Variants in LHFPL3 observed in about 807,000 individuals in gnomAD.
The protein encoded by LHFPL3 is LHFPL tetraspan subfamily member 3 protein.
A neutral mutation model predicts 19.3 loss-of-function variants in LHFPL3; 5 were observed. The ratio of observed to expected loss-of-function variants is 0.26; its 90% CI spans 0.14 to 0.54. The LOEUF (loss-of-function observed/expected upper bound fraction) is 0.54. LHFPL3 is among the 20% of genes least tolerant of loss of function. The probability of loss-of-function intolerance (pLI) is 0.94; values close to 1 mark genes in which losing one functional copy is unlikely to be tolerated. For synonymous variants in LHFPL3, 133 were observed against 126.2 expected (o/e 1.05, Z -0.36); for missense variants, 249 against 307.4 (o/e 0.81, Z 1.42).
At chr7:104,650,878 T>C (rs1792020588) in intron 1 of LHFPL3, among the ~76,000 whole-genome samples, 1 of 152,128 alleles carries the variant, frequency 6.6e-6, no homozygotes, top group Admixed American at 6.5e-5. Flanking sequence ...ACTAAGAAAC[T>C]TGTAAGATGA....
In LHFPL3 at chr7:104,333,409, T is replaced by C. The variant is rs544409070; in HGVS notation, c.445+4185T>C. ...GATGGGACACCTGATCCAGATTGGA[T>C]TTTCTTATTAAGGAGAGATGAGGAC... On this transcript the variant is annotated intron_variant, in intron 1 of 2. Transcript: ENST00000424859. Among the ~76,000 whole-genome samples, 16 of 152,272 alleles carry C rather than the reference T, an allele frequency of 1.1e-4. 1 individual carries two copies. The highest frequency in any genetic ancestry group is 3.9e-4 in the African/African-American group (16 of 41,548).
At chr7:104,402,148 T>C (rs1791326755) in intron 1 of LHFPL3, among the ~76,000 whole-genome samples, 1 of 151,140 alleles carries the variant, frequency 6.6e-6, no homozygotes. Flanking sequence ...TCATGAGTAG[T>C]TTTGGATGAC....
At chr7:104,648,948 A>G (rs1345190209) in intron 1 of LHFPL3, among the ~76,000 whole-genome samples, 1 of 152,180 alleles carries the variant, frequency 6.6e-6, no homozygotes, top group Non-Finnish European at 1.5e-5. Context: ...AACACAAACC[A>G]TAGGAAGCTC....
intron 1 of LHFPL3, among the ~76,000 whole-genome samples, chr7:104,391,077 G>T (rs1584287336): frequency 1.3e-5 from 2 of 152,124 alleles, no homozygotes; most frequent in East Asian, 3.9e-4. Context: ...GTAGATTCTG[G>T]ATATTAGCCC....
chr7:104,709,748 C>A (rs1171634050), intron 1 of LHFPL3, among the ~76,000 whole-genome samples: 2 of 152,138 alleles, frequency 1.3e-5, no homozygotes, highest in Non-Finnish European at 2.9e-5. Flanking sequence ...CTGTTGGGTA[C>A]ACCTCCCAGA....
chr7:104,759,093 T>C (rs1035927679), intron 2 of LHFPL3, among the ~76,000 whole-genome samples: 4 of 152,220 alleles, frequency 2.6e-5, no homozygotes, highest in African/African-American at 9.6e-5. Context: ...CTGCCTTTTA[T>C]TGTCTGTTGT....
At chr7:104,364,081 C>T (rs1172309630) in intron 1 of LHFPL3, among the ~76,000 whole-genome samples, 1 of 152,200 alleles carries the variant, frequency 6.6e-6, no homozygotes, top group Non-Finnish European at 1.5e-5. Flanking sequence ...GGAGAGTGCT[C>T]TGTAAAGATT....
chr7:104,541,471 G>T (rs1338655699), intron 1 of LHFPL3, among the ~76,000 whole-genome samples: 1 of 152,168 alleles, frequency 6.6e-6, no homozygotes, highest in Admixed American at 6.5e-5. Context: ...ACACAGGAGA[G>T]CCAGATAAAA....
chr7:104,866,672 CAG>C (rs1297705450), intron 2 of LHFPL3, among the ~76,000 whole-genome samples: 1 of 152,136 alleles, frequency 6.6e-6, no homozygotes, highest in Non-Finnish European at 1.5e-5. Context: ...ATCAATGAGA[CAG>C]AAAGTTAACA....
intron 2 of LHFPL3, among the ~76,000 whole-genome samples, chr7:104,847,959 C>T (rs541258139): frequency 6.6e-6 from 1 of 152,350 alleles, no homozygotes; most frequent in African/African-American, 2.4e-5. Flanking sequence ...GAATCTGACA[C>T]TGATTCGAAA....
In LHFPL3 at chr7:104,876,967, TC is replaced by T. The variant is rs549024317; in HGVS notation, c.683-29218del. ...AGCCATAAAAAATGATGAGTTCATG[TC>T]CTTTGTAGGGGCATGGATGAAGCTG... On this transcript the variant is annotated intron_variant, in intron 2 of 2. Coordinates refer to ENST00000424859, the MANE Select transcript of LHFPL3 (RefSeq NM_199000.3). Among the ~76,000 whole-genome samples, 371 of 152,288 alleles carry T rather than the reference TC, an allele frequency of 2.4e-3. 2 individuals are homozygous for T. The highest frequency in any genetic ancestry group is 6.8e-3 in the South Asian group (33 of 4,828).
At chr7:104,433,049 G>T (rs190678578) in intron 1 of LHFPL3, among the ~76,000 whole-genome samples, 1 of 152,158 alleles carries the variant, frequency 6.6e-6, no homozygotes, top group East Asian at 1.9e-4. Flanking sequence ...ATGCCAAAGA[G>T]CTTTGTTTAT....
At chr7:104,521,731 T>C (rs1203184636) in intron 1 of LHFPL3, among the ~76,000 whole-genome samples, 1 of 152,126 alleles carries the variant, frequency 6.6e-6, no homozygotes, top group Non-Finnish European at 1.5e-5. Flanking sequence ...TCGAAGGACA[T>C]GAACAGACAC....
At chr7:104,579,896 T>C (rs1204633431) in intron 1 of LHFPL3, among the ~76,000 whole-genome samples, 1 of 152,138 alleles carries the variant, frequency 6.6e-6, no homozygotes, top group Non-Finnish European at 1.5e-5. Flanking sequence ...CTTGCTCCCA[T>C]GGCATGTTAT....
chr7:104,596,804 C>T (rs1790871133), intron 1 of LHFPL3, among the ~76,000 whole-genome samples: 1 of 152,172 alleles, frequency 6.6e-6, no homozygotes, highest in Non-Finnish European at 1.5e-5. Context: ...GCAGCTAGGT[C>T]TTTGCACTCT....
intron 2 of LHFPL3, among the ~76,000 whole-genome samples, chr7:104,742,943 C>T (rs1309092224): frequency 4.6e-5 from 7 of 151,680 alleles, no homozygotes; most frequent in Non-Finnish European, 7.4e-5. Context: ...ATGGTGAAAC[C>T]CCATCTCTAT....
chr7:104,458,880 T>A (rs1382564419), intron 1 of LHFPL3, among the ~76,000 whole-genome samples: 1 of 152,196 alleles, frequency 6.6e-6, no homozygotes. Flanking sequence ...ATTGTTCCAT[T>A]GTTGGAGGAT....
At chr7:104,579,555 C>G (rs1790415411) in intron 1 of LHFPL3, among the ~76,000 whole-genome samples, 1 of 152,196 alleles carries the variant, frequency 6.6e-6, no homozygotes, top group Non-Finnish European at 1.5e-5. Flanking sequence ...TAAATCCAGT[C>G]CACCATTGAT....
At chr7:104,774,450 A>T (rs946006767) in intron 2 of LHFPL3, among the ~76,000 whole-genome samples, 1 of 152,340 alleles carries the variant, frequency 6.6e-6, no homozygotes, top group Non-Finnish European at 1.5e-5. Flanking sequence ...CAGCTAATAA[A>T]CAATGGGTTC....
Sources: gnomAD v4.1 joint callset for allele counts (sites outside exome capture counted in the v4.1 genomes callset) on GRCh38, gnomAD v4.1.1 for gene constraint, MANE v1.5 for transcripts, NCBI Gene and HGNC (gene_info 2026-07-23, HGNC 2026-07-21) for gene names.